The following CERS6 variants were observed in gnomAD, a reference collection of about 807,000 sequenced individuals.
CERS6 encodes the protein ceramide synthase 6.
A neutral mutation model predicts 56.8 loss-of-function variants in CERS6; 26 were observed. That is an observed-to-expected ratio of 0.46 (90% CI 0.34 to 0.63). The LOEUF is 0.63. Ranked by LOEUF, CERS6 falls within the 30% of genes least tolerant of loss-of-function variation. The pLI is 0.01. For synonymous variants in CERS6, 164 were observed against 173.3 expected (o/e 0.95, Z 0.42); for missense variants, 415 against 467.5 (o/e 0.89, Z 1.04).
chr2:168,675,638 A>G lies in CERS6; in HGVS notation c.466-15396A>G, dbSNP rs1420992074. ...CAACAACAACAACAACAAAATAATA[A>G]TAAATGTTTTACAAGGTAACATAAA... On this transcript the variant is annotated intron_variant, in intron 4 of 9. Coordinates refer to ENST00000305747, the MANE Select transcript of CERS6 (RefSeq NM_203463.3). 2.0e-5 allele frequency among the ~76,000 whole-genome samples: 3 copies of G among 152,152 alleles called. No homozygotes were observed. In the East Asian group the frequency reaches 5.8e-4, roughly 29 times the overall value.
chr2:168,468,226 G>T (rs931299120), intron 1 of CERS6, among the ~76,000 whole-genome samples: 2 of 152,116 alleles, frequency 1.3e-5, no homozygotes, highest in Admixed American at 1.3e-4. Flanking sequence ...CCCCAAAGAT[G>T]GTCTCCCTCT....
intron 4 of CERS6, among the ~76,000 whole-genome samples, chr2:168,665,011 C>T (rs963746165): frequency 6.6e-6 from 1 of 152,174 alleles, no homozygotes; most frequent in Admixed American, 6.5e-5. Context: ...TTTTACAAAA[C>T]AAATGAATGC....
chr2:168,574,070 A>G lies in CERS6; in HGVS notation c.407+12748A>G, dbSNP rs112977660. On this transcript the variant is annotated intron_variant, in intron 3 of 9. Coordinates refer to ENST00000305747, the MANE Select transcript of CERS6 (RefSeq NM_203463.3). ...CAGTGGACACTCGTATTTCCCTTCC[A>G]TTATTCATTGAGATAGTATTGCTCT... Among the ~76,000 whole-genome samples, 817 of 152,186 alleles carry G rather than the reference A, an allele frequency of 5.4e-3. 9 individuals carry two copies. The highest frequency in any genetic ancestry group is 0.019 in the African/African-American group (781 of 41,522).
chr2:168,498,849 G>A (rs996374212), intron 1 of CERS6, among the ~76,000 whole-genome samples: 12 of 152,272 alleles, frequency 7.9e-5, no homozygotes, highest in South Asian at 2.1e-4. Flanking sequence ...TATTTAGCCC[G>A]TAGGGAGGGA....
chr2:168,737,038 C>T (rs1204668131), intron 8 of CERS6, among the ~76,000 whole-genome samples: 2 of 152,234 alleles, frequency 1.3e-5, no homozygotes, highest in Non-Finnish European at 2.9e-5. Context: ...TCTTTCTCTC[C>T]ACCACTTTTT....
chr2:168,542,832 G>A (rs1226849344), intron 1 of CERS6, among the ~76,000 whole-genome samples: 3 of 152,118 alleles, frequency 2.0e-5, no homozygotes, highest in Admixed American at 2.0e-4. Context: ...GAGTAGCTGG[G>A]ATTACAGGCG....
chr2:168,476,296 A>G (rs1694068891), intron 1 of CERS6, among the ~76,000 whole-genome samples: 1 of 152,054 alleles, frequency 6.6e-6, no homozygotes, highest in African/African-American at 2.4e-5. Context: ...AAATCAATGC[A>G]TGCATATTGT....
intron 4 of CERS6, among the ~76,000 whole-genome samples, chr2:168,661,622 A>G (rs1685630544): frequency 6.6e-6 from 1 of 152,204 alleles, no homozygotes; most frequent in Non-Finnish European, 1.5e-5. Context: ...ATTTTCGCTC[A>G]AGATAGAGAA....
chr2:168,694,451 C>G (rs768939546), intron 5 of CERS6, among the ~76,000 whole-genome samples: 3 of 152,076 alleles, frequency 2.0e-5, no homozygotes, highest in Non-Finnish European at 4.4e-5. Flanking sequence ...TTGAATAATT[C>G]TTTCTGATAT....
chr2:168,558,861 T>A (rs1440706562), intron 2 of CERS6, among the ~76,000 whole-genome samples: 1 of 152,138 alleles, frequency 6.6e-6, no homozygotes, highest in Non-Finnish European at 1.5e-5. Context: ...AGAGCAAGAC[T>A]CTGTCACACA....
chr2:168,590,046 A>G (rs745385781), intron 3 of CERS6, among the ~76,000 whole-genome samples: 5 of 152,236 alleles, frequency 3.3e-5, no homozygotes, highest in Non-Finnish European at 7.3e-5. Context: ...ACCTGAGAGA[A>G]GACTCCAGAA....
At chr2:168,755,078 C>G (rs2105450621) in intron 8 of CERS6, among the ~76,000 whole-genome samples, 1 of 152,320 alleles carries the variant, frequency 6.6e-6, no homozygotes, top group Non-Finnish European at 1.5e-5. Context: ...CCCATGTTCT[C>G]TGTTTTAATG....
chr2:168,485,808 G>C (rs1293348067), intron 1 of CERS6, among the ~76,000 whole-genome samples: 3 of 152,136 alleles, frequency 2.0e-5, no homozygotes, highest in Non-Finnish European at 4.4e-5. Flanking sequence ...ATAAATGTTT[G>C]TGTGTAGGTT....
chr2:168,491,444 A>G (rs2105338995), intron 1 of CERS6, among the ~76,000 whole-genome samples: 1 of 152,174 alleles, frequency 6.6e-6, no homozygotes, highest in South Asian at 2.1e-4. Flanking sequence ...GCCACTTATC[A>G]TATTAGTATA....
At position 168,626,779 on chromosome 2, in the gene CERS6, A is replaced by G. The variant is rs118148516; in HGVS notation, c.408-4206A>G. On this transcript the variant is annotated intron_variant, in intron 3 of 9. Coordinates refer to ENST00000305747, the MANE Select transcript of CERS6 (RefSeq NM_203463.3). ...GGCTTCTTTTTCCAATACTGGTCTT[A>G]CAAGGTTGCTTCCTTATATGGAGTC... Among the ~76,000 whole-genome samples, 190 of 152,244 alleles carry G rather than the reference A, an allele frequency of 1.2e-3. No homozygotes were observed. In the East Asian group the frequency reaches 0.033, roughly 26 times the overall value.
At chr2:168,466,847 TA>T (rs1257226983) in intron 1 of CERS6, among the ~76,000 whole-genome samples, 1 of 152,168 alleles carries the variant, frequency 6.6e-6, no homozygotes. Context: ...AAATGGTTTT[TA>T]ATTGCAGGAG....
chr2:168,692,551 C>G (rs1224215342), intron 5 of CERS6, among the ~76,000 whole-genome samples: 1 of 151,978 alleles, frequency 6.6e-6, no homozygotes, highest in African/African-American at 2.4e-5. Flanking sequence ...GTTTGAGGGT[C>G]TGGGAGTTAG....
chr2:168,607,132 A>G (rs1217079619), intron 3 of CERS6, among the ~76,000 whole-genome samples: 5 of 152,036 alleles, frequency 3.3e-5, no homozygotes, highest in Admixed American at 2.0e-4. Flanking sequence ...TATATTTTAC[A>G]TTTTTAAATG....
chr2:168,687,786 TG>T (rs1458789522), intron 4 of CERS6, among the ~76,000 whole-genome samples: 1 of 152,186 alleles, frequency 6.6e-6, no homozygotes, highest in East Asian at 1.9e-4. Flanking sequence ...ATTGCAGCCT[TG>T]GCCCCCACCA....
Sources: gnomAD v4.1 joint callset for allele counts (sites outside exome capture counted in the v4.1 genomes callset) on GRCh38, gnomAD v4.1.1 for gene constraint, MANE v1.5 for transcripts, NCBI Gene and HGNC (gene_info 2026-07-23, HGNC 2026-07-21) for gene names.